The following SLC44A3 variants were observed in gnomAD, a reference collection of about 807,000 sequenced individuals.
The protein encoded by SLC44A3 is choline transporter-like protein 3.
In SLC44A3, 74 loss-of-function variants were observed where a neutral mutation model predicts 75.4. The observed-to-expected ratio is 0.98, with a 90% CI of 0.81 to 1.19. The LOEUF is 1.19. SLC44A3 is among the 50% of genes most tolerant of loss of function. SLC44A3 has a pLI of 0.00. For synonymous variants in SLC44A3, 310 were observed against 296.9 expected (o/e 1.04, Z -0.45); for missense variants, 700 against 778.6 (o/e 0.90, Z 1.20).
At chr1:94,827,987 C>T (rs965945408) in intron 4 of SLC44A3, among the ~76,000 whole-genome samples, 2 of 152,070 alleles carry the variant, frequency 1.3e-5, no homozygotes, top group Non-Finnish European at 2.9e-5. Flanking sequence ...TGGGCACATC[C>T]GGTCCTAGAG....
At chr1:94,842,329 C>G (rs886276259) in intron 8 of SLC44A3, among the ~76,000 whole-genome samples, 1 of 152,242 alleles carries the variant, frequency 6.6e-6, no homozygotes, top group Non-Finnish European at 1.5e-5. Context: ...CAAGTCATTT[C>G]TGCCACCTCC....
At chr1:94,832,522 T>C (rs1307641851) in intron 5 of SLC44A3, among the ~76,000 whole-genome samples, 1 of 152,232 alleles carries the variant, frequency 6.6e-6, no homozygotes, top group African/African-American at 2.4e-5. Context: ...AATTTAATTT[T>C]TGTCTTTCTC....
chr1:94,883,895 A>G (rs1272770735), intron 12 of SLC44A3, among the ~76,000 whole-genome samples: 2 of 152,088 alleles, frequency 1.3e-5, no homozygotes, highest in Admixed American at 6.5e-5. Context: ...GCGCATGCTC[A>G]GTGTATCCAG....
intron 12 of SLC44A3, among the ~76,000 whole-genome samples, chr1:94,868,337 T>G (rs1384174526): frequency 6.6e-6 from 1 of 152,242 alleles, no homozygotes; most frequent in East Asian, 1.9e-4. Context: ...GTAAAGGGAC[T>G]AATTAGACCA....
chr1:94,848,695 C>G (rs1404601673), intron 9 of SLC44A3, among the ~76,000 whole-genome samples: 1 of 152,056 alleles, frequency 6.6e-6, no homozygotes, highest in Non-Finnish European at 1.5e-5. Flanking sequence ...AGGTAGGGAA[C>G]AGGATTGAGG....
intron 12 of SLC44A3, among the ~76,000 whole-genome samples, chr1:94,879,924 A>G (rs559811961): frequency 6.6e-6 from 1 of 152,284 alleles, no homozygotes; most frequent in South Asian, 2.1e-4. Context: ...ATACAAAAAG[A>G]CACTCGATAT....
At chr1:94,882,159 G>A (rs771042912) in intron 12 of SLC44A3, among the ~76,000 whole-genome samples, 3 of 152,208 alleles carry the variant, frequency 2.0e-5, no homozygotes, top group Non-Finnish European at 2.9e-5. Context: ...AGGACTCTGC[G>A]TATTAGGTAG....
At chr1:94,845,909 T>G (rs888394168) in intron 9 of SLC44A3, among the ~76,000 whole-genome samples, 18 of 152,106 alleles carry the variant, frequency 1.2e-4, no homozygotes, top group Non-Finnish European at 1.5e-5. Context: ...AGCACTTTGG[T>G]AGGCCAAGGC....
intron 6 of SLC44A3, 85 bp downstream of exon 6, chr1:94,837,956 G>C: frequency 8.2e-7 from 1 of 1,220,052 alleles, no homozygotes; most frequent in Non-Finnish European, 1.1e-6. Context: ...ATGAAAATTA[G>C]CCTCTTGTTT....
intron 12 of SLC44A3, among the ~76,000 whole-genome samples, chr1:94,876,680 A>T (rs1668325830): frequency 6.6e-6 from 1 of 152,190 alleles, no homozygotes; most frequent in African/African-American, 2.4e-5. Context: ...GGCCACCACC[A>T]CCTGAGTCTC....
Position 94,820,462 on chromosome 1 carries a change from T to A in SLC44A3, c.11T>A (p.Leu4Gln). The change falls in exon 1 of 15, where the codon CTG (leucine) becomes CAG (glutamine). Residue 4 changes from leucine (L) to glutamine (Q), a missense_variant. Physicochemically the swap from Leu to Gln is moderately radical, Grantham distance 113. Coordinates refer to ENST00000271227, the MANE Select transcript of SLC44A3 (RefSeq NM_001114106.3). Reference protein sequence around the residue: MHCLGAEYLVSAEG... With the variant: MHCQGAEYLVSAEG... ...GCCGGCGAGCGCACGATGCACTGCC[T>A]GGGCGCCGAGTACCTGGTAAGCGCT... The A allele has an allele frequency of 2.7e-6, 4 of 1,494,054 alleles. No homozygotes were observed. The highest frequency in any genetic ancestry group is 3.6e-6 in the Non-Finnish European group (4 of 1,125,704). The allele number at this position is 1,494,054 out of a possible 1,614,324, so 92.5% of individuals were successfully genotyped here.
rs371262661 is a variant in SLC44A3 at position 94,891,118 on chromosome 1, C to G, written c.1483-12C>G. On this transcript the variant is annotated splice_polypyrimidine_tract_variant and intron_variant, in intron 12 of 14. Coordinates refer to ENST00000271227, the MANE Select transcript of SLC44A3 (RefSeq NM_001114106.3). ...TAAGAATTATCTTTTAAACAATTCT[C>G]TTCTGTTTCAGAATGCATATACTAC... 6.3e-7 allele frequency: 1 copy of G among 1,588,918 alleles called. No individual in the cohort carries two copies. The highest frequency in any genetic ancestry group is 1.1e-5 in the South Asian group (1 of 88,122).
intron 9 of SLC44A3, among the ~76,000 whole-genome samples, chr1:94,851,454 AC>A (rs1347458648): frequency 2.0e-5 from 3 of 152,214 alleles, no homozygotes; most frequent in African/African-American, 7.2e-5. Flanking sequence ...AATGCTATGA[AC>A]AATAAAGCAA....
At chr1:94,884,790 C>T (rs1000730838) in intron 12 of SLC44A3, among the ~76,000 whole-genome samples, 5 of 152,040 alleles carry the variant, frequency 3.3e-5, no homozygotes, top group African/African-American at 7.2e-5. Flanking sequence ...GCTGGCTAAG[C>T]GTTTGATTTC....
intron 12 of SLC44A3, among the ~76,000 whole-genome samples, chr1:94,881,256 C>G (rs1325176876): frequency 1.3e-5 from 2 of 152,204 alleles, no homozygotes; most frequent in Non-Finnish European, 2.9e-5. Context: ...GGCTCACCAA[C>G]AGTGTGCTTG....
chr1:94,879,218 A>AC (rs1668659675), intron 12 of SLC44A3, among the ~76,000 whole-genome samples: 1 of 151,602 alleles, frequency 6.6e-6, no homozygotes, highest in African/African-American at 2.4e-5. Context: ...CAACTACAAA[A>AC]AAAAAAAACC....
intron 5 of SLC44A3, among the ~76,000 whole-genome samples, chr1:94,831,818 C>T (rs915012): frequency 0.52 from 79,478 of 152,000 alleles, 20,982 homozygotes; most frequent in East Asian, 0.69. Context: ...GTTTGAGTGG[C>T]TTTGCTAATG....
chr1:94,886,858 T>A lies in SLC44A3; in HGVS notation c.1483-4272T>A, dbSNP rs1669647247. 2.6e-5 allele frequency among the ~76,000 whole-genome samples: 4 copies of A among 152,112 alleles called. No homozygotes were observed. The South Asian group carries it at 8.3e-4, about 31-fold the overall frequency. On this transcript the variant is annotated intron_variant, in intron 12 of 14. Coordinates refer to ENST00000271227, the MANE Select transcript of SLC44A3 (RefSeq NM_001114106.3). ...TGAGAATTGGGACATAATATTGAGA[T>A]ACTACCAATGCCAACTTGGGAATCC...
rs1156736617 is a variant in SLC44A3 at position 94,837,851 on chromosome 1, G to A, written c.650G>A (p.Gly217Asp). 3.1e-6 allele frequency: 5 copies of A among 1,602,036 alleles called. No individual in the cohort carries two copies. The South Asian group carries it at 5.7e-5, about 18-fold the overall frequency. ...GIMSGRDTIL[G>D]LCILALALSL... ...ATGTCGGGAAGAGATACAATCCTTG[G>A]CCTGTGTATCCTCGCATTAGGTAAT... is the stretch of plus-strand genomic sequence containing the variant. The change falls in exon 6 of 15, where the codon GGC (glycine) becomes GAC (aspartate). Residue 217 changes from glycine to aspartate, a missense_variant. Gly to Asp is a moderately conservative substitution (Grantham distance 94). Coordinates refer to ENST00000271227, the MANE Select transcript of SLC44A3 (RefSeq NM_001114106.3).
Sources: allele counts gnomAD v4.1 joint callset (sites outside exome capture counted in the v4.1 genomes callset), GRCh38; gene constraint gnomAD v4.1.1; transcripts MANE v1.5; gene names NCBI Gene and HGNC (gene_info 2026-07-23, HGNC 2026-07-21).